The following ISY1 variants were observed in gnomAD, a reference collection of about 807,000 sequenced individuals.
ISY1 encodes ISY1 spliceosome associated protein, also known as pre-mRNA-splicing factor ISY1 homolog.
A neutral mutation model predicts 54.4 loss-of-function variants in ISY1; 12 were observed. The ratio of observed to expected loss-of-function variants is 0.22; its 90% confidence interval spans 0.14 to 0.36. ISY1 has a LOEUF of 0.36. ISY1 is among the 10% of genes least tolerant of loss of function. The pLI, the probability that ISY1 is intolerant of heterozygous loss-of-function variation, is 1.00. For missense variants in ISY1, 282 were observed against 342.2 expected, an observed-to-expected ratio of 0.82 and a Z score of 1.39; for synonymous variants, 96 against 117.9, an observed-to-expected ratio of 0.81 and a Z score of 1.20.
rs1936185100 is a variant in ISY1 at position 129,129,724 on chromosome 3, T to A, written c.*357A>T. The A allele has an allele frequency of 5.8e-6, 1 of 173,158 alleles. No individual in the cohort carries two copies. Among genetic ancestry groups the A allele is most frequent in the African/African-American group, 2.4e-5 (1 of 42,326 alleles). The allele number at this position is 173,158 out of a possible 1,614,324, so 10.7% of individuals were successfully genotyped here. A position where few individuals can be genotyped will look rare whatever the true frequency, so the allele number is the denominator to read the frequency against. ...TGTCTTTTAGAAAATTTGCATTTTT[T>A]AAAATTATACTTTGGTCTGCAAAAA... is the stretch of plus-strand genomic sequence containing the variant. On this transcript the variant is annotated 3_prime_UTR_variant, in exon 11 of 11. Coordinates refer to ENST00000393295, the MANE Select transcript of ISY1 (RefSeq NM_020701.4).
intron 8 of ISY1, 149 bp downstream of exon 8, chr3:129,134,682 TC>T (rs1936337964): frequency 3.5e-6 from 4 of 1,149,728 alleles, no homozygotes; most frequent in African/African-American, 1.6e-5. Flanking sequence ...CTCACAGGGG[TC>T]AGGGAATTAG....
intron 7 of ISY1, among the ~76,000 whole-genome samples, chr3:129,138,229 C>T (rs1384652239): frequency 4.0e-5 from 6 of 149,784 alleles, no homozygotes; most frequent in Admixed American, 2.0e-4. Context: ...AGCAGTAAGC[C>T]GAGATTGCGT....
intron 7 of ISY1, among the ~76,000 whole-genome samples, chr3:129,140,102 G>A (rs906030648): frequency 6.5e-4 from 99 of 152,194 alleles, no homozygotes; most frequent in African/African-American, 2.1e-3. Context: ...GAAACTCCTT[G>A]TCCAGACTGA....
chr3:129,154,242 CA>C (rs777277943), intron 5 of ISY1, among the ~76,000 whole-genome samples: 4,236 of 47,866 alleles, frequency 0.088, 175 homozygotes, highest in African/African-American at 0.28. Flanking sequence ...GACTCTGTCT[CA>C]AAAAAAAAAA....
rs1553783004 is a variant in ISY1, at chr3:129,149,636, T to TACAC, written c.188-3767_188-3764dup. 2.1e-3 allele frequency among the ~76,000 whole-genome samples: 117 copies of TACAC among 54,640 alleles called. 1 individual carries two copies. The highest frequency in any genetic ancestry group is 0.015 in the East Asian group (22 of 1,514). The allele number at this position is 54,640 out of a possible 152,430, so 35.8% of individuals were successfully genotyped here. A position where few individuals can be genotyped will look rare whatever the true frequency, so the allele number is the denominator to read the frequency against. On this transcript the variant is annotated intron_variant, in intron 5 of 10. Coordinates refer to ENST00000393295, the MANE Select transcript of ISY1 (RefSeq NM_020701.4). ...ATATATATATATATATATATATATATACACAAAAAAAATCAGCTATGCATG... is the reference window on the plus strand; with the variant it reads ...ATATATATATATATATATATATATATACACACACAAAAAAAATCAGCTATGCATG...
At chr3:129,141,607 A>G (rs1936618447) in intron 6 of ISY1, among the ~76,000 whole-genome samples, 1 of 151,912 alleles carries the variant, frequency 6.6e-6, no homozygotes. Context: ...ACAAAAAATT[A>G]GCTAGGCATG....
At chr3:129,149,624 T>TAG in intron 5 of ISY1, among the ~76,000 whole-genome samples, 1 of 89,216 alleles carries the variant, frequency 1.1e-5, no homozygotes, top group African/African-American at 4.4e-5. Context: ...TATATATATA[T>TAG]ATATATATAT....
chr3:129,135,731 A>G (rs1174607990), intron 7 of ISY1, among the ~76,000 whole-genome samples: 5 of 151,582 alleles, frequency 3.3e-5, no homozygotes, highest in Admixed American at 6.6e-5. Flanking sequence ...GCACCACTGC[A>G]CTGCAGCCTG....
At chr3:129,157,172 T>C (rs1209186202) in intron 3 of ISY1, among the ~76,000 whole-genome samples, 2 of 152,188 alleles carry the variant, frequency 1.3e-5, no homozygotes, top group Admixed American at 6.5e-5. Flanking sequence ...AACTAGGTTA[T>C]AGCTATTTCA....
At chr3:129,134,664 T>C (rs913877767) in intron 8 of ISY1, among the ~76,000 whole-genome samples, 168 bp downstream of exon 8, 4 of 152,134 alleles carry the variant, frequency 2.6e-5, no homozygotes, top group Admixed American at 1.3e-4. Context: ...CCACACAGCT[T>C]TGACTGCCTC....
chr3:129,130,058 C>G lies in ISY1; in HGVS notation c.*23G>C, dbSNP rs768397110. ...GGTACCACTGGGGGATGGAAGAACT[C>G]CAAGGAGAGCCCCAGCTGGGTCCTA... On this transcript the variant is annotated 3_prime_UTR_variant, in exon 11 of 11. Coordinates refer to ENST00000393295, the MANE Select transcript of ISY1 (RefSeq NM_020701.4). 111 of 1,549,038 alleles carry G rather than the reference C, an allele frequency of 7.2e-5. No homozygotes were observed. The highest frequency in any genetic ancestry group is 9.4e-5 in the Non-Finnish European group (108 of 1,152,610).
chr3:129,154,439 CAAAAA>C (rs58548903), intron 5 of ISY1, among the ~76,000 whole-genome samples: 1 of 33,410 alleles, frequency 3.0e-5, no homozygotes, highest in Non-Finnish European at 6.6e-5. Flanking sequence ...GACTCCATCT[CAAAAA>C]AAAAAAAAAA....
intron 7 of ISY1, among the ~76,000 whole-genome samples, chr3:129,139,906 T>C (rs1936556797): frequency 6.6e-6 from 1 of 152,126 alleles, no homozygotes; most frequent in South Asian, 2.1e-4. Context: ...CCTCCCAAAG[T>C]GCTGGGATTA....
rs545659205 is a variant in ISY1, at chr3:129,135,097, C to T, written c.419-143G>A. 227 of 1,200,862 alleles carry T rather than the reference C, an allele frequency of 1.9e-4. 1 individual carries two copies. In the African/African-American group the frequency reaches 3.3e-3, roughly 18 times the overall value. 74.4% of individuals were successfully genotyped at this position (1,200,862 alleles called of 1,614,324 possible). A position where few individuals can be genotyped will look rare whatever the true frequency, so the allele number is the denominator to read the frequency against. Reference sequence around the variant, plus strand: ...GGCGCAGTGGCTCATGCTTGTAATCCTAGCGCTTTGGGAGGCCCAGACAGG... The same window carrying T: ...GGCGCAGTGGCTCATGCTTGTAATCTTAGCGCTTTGGGAGGCCCAGACAGG... On this transcript the variant is annotated intron_variant, in intron 7 of 10. Coordinates refer to ENST00000393295, the MANE Select transcript of ISY1 (RefSeq NM_020701.4).
chr3:129,157,716 CA>C (rs1265760940), intron 3 of ISY1, among the ~76,000 whole-genome samples: 364 of 44,504 alleles, frequency 8.2e-3, no homozygotes, highest in African/African-American at 0.019. Flanking sequence ...GCGTCCATCT[CA>C]AAAAAAAAAA....
intron 5 of ISY1, among the ~76,000 whole-genome samples, chr3:129,155,073 C>G (rs895073820): frequency 2.0e-5 from 3 of 151,298 alleles, no homozygotes; most frequent in Non-Finnish European, 4.4e-5. Flanking sequence ...CTTATCTTTA[C>G]TATTTCCTTC....
intron 7 of ISY1, among the ~76,000 whole-genome samples, chr3:129,137,928 A>C (rs1306121524): frequency 2.0e-5 from 3 of 147,872 alleles, no homozygotes; most frequent in Admixed American, 6.8e-5. Context: ...AAAAAAAAAA[A>C]AAAAAAAACT....
intron 6 of ISY1, among the ~76,000 whole-genome samples, chr3:129,142,349 A>C (rs1412663244): frequency 6.6e-6 from 1 of 152,224 alleles, no homozygotes; most frequent in South Asian, 2.1e-4. Context: ...ATTGTAGCCA[A>C]GTTAAATTTC....
intron 5 of ISY1, among the ~76,000 whole-genome samples, chr3:129,152,446 C>G (rs1258205918): frequency 1.3e-5 from 2 of 151,978 alleles, no homozygotes; most frequent in African/African-American, 4.8e-5. Flanking sequence ...CTCTGTCGCC[C>G]AGGCTGGAGT....
Sources: gnomAD v4.1 joint callset for allele counts (sites outside exome capture counted in the v4.1 genomes callset) on GRCh38, gnomAD v4.1.1 for gene constraint, MANE v1.5 for transcripts, NCBI Gene and HGNC (gene_info 2026-07-23, HGNC 2026-07-21) for gene names.